Variants in KCTD19 observed in about 807,000 individuals in gnomAD.
KCTD19 encodes the protein potassium channel tetramerization domain containing 19.
Under a neutral mutation model 103.5 loss-of-function variants are expected in KCTD19, and 67 were observed. The observed-to-expected ratio is 0.65, with a 90% confidence interval of 0.53 to 0.79. The LOEUF is 0.79. Ranked by LOEUF, KCTD19 falls within the 30% of genes least tolerant of loss-of-function variation. The pLI is 0.00. For missense variants in KCTD19, 980 were observed against 1,136.1 expected, an observed-to-expected ratio of 0.86 and a Z score of 1.98; for synonymous variants, 439 against 452.2, an observed-to-expected ratio of 0.97 and a Z score of 0.37.
chr16:67,307,607 C>T lies in KCTD19; in HGVS notation c.301-3036G>A, dbSNP rs200301225. 1.8e-4 allele frequency among the ~76,000 whole-genome samples: 27 copies of T among 152,192 alleles called. No homozygotes were observed. In the East Asian group the frequency reaches 3.9e-3, roughly 22 times the overall value. ...CTGGGATTGCAGGCATGAGCCACCA[C>T]GCCTGGCCGACAGCCAGCTAAGTTT... On this transcript the variant is annotated intron_variant, in intron 2 of 15. Coordinates refer to ENST00000304372, the MANE Select transcript of KCTD19 (RefSeq NM_001100915.3).
At chr16:67,292,839 A>G (rs1225240315) in intron 12 of KCTD19, among the ~76,000 whole-genome samples, 7 of 151,818 alleles carry the variant, frequency 4.6e-5, no homozygotes, top group Admixed American at 3.3e-4. Context: ...CCCTTCCCCA[A>G]GCTCTGCTCT....
chr16:67,296,036 C>T, intron 8 of KCTD19, 123 bp downstream of exon 8: 1 of 686,252 alleles, frequency 1.5e-6, no homozygotes, highest in Admixed American at 2.0e-5. Context: ...AGCCACCGTG[C>T]CTGGCGGGAA....
intron 2 of KCTD19, among the ~76,000 whole-genome samples, chr16:67,305,961 C>T (rs2036888312): frequency 1.3e-5 from 2 of 152,130 alleles, no homozygotes; most frequent in Non-Finnish European, 2.9e-5. Context: ...ATCTTTCCCA[C>T]TCTGGATGGC....
chr16:67,293,448 GTCC>G lies in KCTD19; in HGVS notation c.2218+93_2218+95del. The G allele has an allele frequency of 2.9e-6, 4 of 1,379,282 alleles. No individual in the cohort carries two copies. Among genetic ancestry groups the G allele is most frequent in the African/African-American group, 2.9e-5 (2 of 69,486 alleles). The allele number at this position is 1,379,282 out of a possible 1,614,324, so 85.4% of individuals were successfully genotyped here. Reference sequence around the variant, plus strand: ...TGGCATTGGTGAGCGGGGGGGTCTAGTCCTCCTTTGTCACTAACTTGCTCTGCC... The same window carrying G: ...TGGCATTGGTGAGCGGGGGGGTCTAGTCCTTTGTCACTAACTTGCTCTGCC... On this transcript the variant is annotated intron_variant, in intron 12 of 15. Transcript: ENST00000304372. The surrounding 1 kb of genome is among the most constrained non-coding windows in gnomAD (Gnocchi z 4.0).
chr16:67,316,368 C>T (rs747301904), intron 2 of KCTD19, among the ~76,000 whole-genome samples: 2 of 152,150 alleles, frequency 1.3e-5, no homozygotes, highest in Non-Finnish European at 2.9e-5. Context: ...AGTCACTTCC[C>T]TGGCTCCAGT....
At chr16:67,308,589 C>T (rs2036918301) in intron 2 of KCTD19, among the ~76,000 whole-genome samples, 1 of 152,252 alleles carries the variant, frequency 6.6e-6, no homozygotes, top group South Asian at 2.1e-4. Flanking sequence ...GCTTTGTGTA[C>T]GCTGTTCCAT....
At chr16:67,305,572 G>A (rs899221595) in intron 2 of KCTD19, 17 of 455,408 alleles carry the variant, frequency 3.7e-5, no homozygotes, top group African/African-American at 6.0e-5. Flanking sequence ...GGCGGTCTTC[G>A]TGCCGCCCTT....
intron 5 of KCTD19, chr16:67,299,936 T>C (rs2036815953): frequency 8.9e-6 from 2 of 224,010 alleles, no homozygotes; most frequent in African/African-American, 2.3e-5. Flanking sequence ...ACGGCAACCA[T>C]GGCCTGGAAA....
At chr16:67,319,230 A>G (rs1408172228) in intron 2 of KCTD19, among the ~76,000 whole-genome samples, 1 of 151,978 alleles carries the variant, frequency 6.6e-6, no homozygotes, top group Non-Finnish European at 1.5e-5. Context: ...TCTCGAAGAA[A>G]AAAAAAAAAA....
chr16:67,291,224 C>G, intron 14 of KCTD19, 85 bp downstream of exon 14: 1 of 1,511,396 alleles, frequency 6.6e-7, no homozygotes, highest in Non-Finnish European at 9.0e-7. Context: ...CTTACTTCCT[C>G]TTGCCTTGCA....
chr16:67,321,627 C>T lies in KCTD19; in HGVS notation c.4-742G>A, dbSNP rs1286696432. ...TAAAACAGTCTTGAAAAAAGGAGAA[C>T]GTTTAAGAAGTCACATTTCCCACTT... On this transcript the variant is annotated intron_variant, in intron 1 of 15. Coordinates refer to ENST00000304372, the MANE Select transcript of KCTD19 (RefSeq NM_001100915.3). The T allele has an allele frequency of 2.6e-5, 4 of 151,882 alleles. No homozygotes were observed. In the East Asian group the frequency reaches 7.7e-4, roughly 29 times the overall value. The allele number at this position is 151,882 out of a possible 1,614,324, so 9.4% of individuals were successfully genotyped here. A position where few individuals can be genotyped will look rare whatever the true frequency, so the allele number is the denominator to read the frequency against.
chr16:67,289,690 G>A lies in KCTD19; in HGVS notation c.2668-8C>T. ...GGCGAAGGGCAGTGTAAGCTGGAAG[G>A]AAAGGCCAGTCTTATCCCTGATTTC... On this transcript the variant is annotated splice_region_variant and splice_polypyrimidine_tract_variant and intron_variant, in intron 15 of 15. Coordinates refer to ENST00000304372, the MANE Select transcript of KCTD19 (RefSeq NM_001100915.3). 1 of 1,600,256 alleles carries A rather than the reference G, an allele frequency of 6.2e-7. No individual in the cohort carries two copies. Among genetic ancestry groups the A allele is most frequent in the Non-Finnish European group, 8.6e-7 (1 of 1,167,648 alleles).
chr16:67,301,080 AT>A (rs1489583423), intron 5 of KCTD19: 2 of 152,284 alleles, frequency 1.3e-5, no homozygotes, highest in African/African-American at 4.8e-5. Flanking sequence ...AGTTCTACAC[AT>A]TCTCGGGATG....
intron 2 of KCTD19, among the ~76,000 whole-genome samples, chr16:67,315,967 C>T (rs2037009520): frequency 6.6e-6 from 1 of 152,132 alleles, no homozygotes; most frequent in Non-Finnish European, 1.5e-5. Context: ...ATGCCTTACC[C>T]CTTTGCCCCT....
At chr16:67,312,908 C>A (rs777271055) in intron 2 of KCTD19, among the ~76,000 whole-genome samples, 10 of 152,190 alleles carry the variant, frequency 6.6e-5, no homozygotes, top group Non-Finnish European at 1.3e-4. Context: ...TGCTCTGCTG[C>A]AGTCTAGGCC....
chr16:67,291,871 T>C (rs779644101), intron 12 of KCTD19, 34 bp from the exon 13 acceptor site: 2 of 1,489,382 alleles, frequency 1.3e-6, no homozygotes, highest in African/African-American at 1.4e-5. Flanking sequence ...GGCTCTCCTT[T>C]TAAAAAAAAA....
intron 15 of KCTD19, among the ~76,000 whole-genome samples, chr16:67,290,505 TGAAAG>T (rs1005240206): frequency 6.6e-6 from 1 of 152,054 alleles, no homozygotes; most frequent in African/African-American, 2.4e-5. Flanking sequence ...AGTTTAGAAA[TGAAAG>T]GAATGTACAC....
In KCTD19 at chr16:67,299,571, C is replaced by T; in HGVS notation, c.778G>A (p.Gly260Ser). ...GGAGAACAGGTGGTCGGGGAACAGC[C>T]ACCTGTGTCAGAGAGAAAGGGGTGA... ...AVRWYRMNMG[G>S]CSPTTCSPLS... The change falls in exon 6 of 16, where the codon GGC becomes AGC. Residue 260 changes from glycine to serine, a missense_variant and splice_region_variant. Physicochemically the swap from Gly to Ser is moderately conservative, Grantham distance 56. Transcript: ENST00000304372. The T allele has an allele frequency of 6.2e-7, 1 of 1,610,606 alleles. No homozygotes were observed.
chr16:67,314,741 T>A (rs548517797), intron 2 of KCTD19, among the ~76,000 whole-genome samples: 1 of 145,010 alleles, frequency 6.9e-6, no homozygotes, highest in South Asian at 2.2e-4. Context: ...ATACATATAA[T>A]CATACAATAA....
Sources: allele counts gnomAD v4.1 joint callset (sites outside exome capture counted in the v4.1 genomes callset), GRCh38; gene constraint gnomAD v4.1.1; non-coding constraint Gnocchi (gnomAD v3.1); transcripts MANE v1.5; gene names NCBI Gene and HGNC (gene_info 2026-07-23, HGNC 2026-07-21).